LYNX1: variants seen among roughly 807,000 people sequenced by gnomAD.
LYNX1 encodes Ly6/neurotoxin 1.
A neutral mutation model predicts 8.3 loss-of-function variants in LYNX1; 8 were observed. The ratio of observed to expected loss-of-function variants is 0.97; its 90% CI spans 0.57 to 1.74. The LOEUF is 1.74. Among genes scored for constraint, LYNX1 ranks in the 40% most tolerant of loss-of-function variants. LYNX1 has a pLI of 0.00. For missense variants in LYNX1, 158 were observed against 159.7 expected (o/e 0.99, Z 0.06); for synonymous variants, 73 against 67.9 (o/e 1.08, Z -0.37).
In LYNX1 at chr8:142,773,270, G is replaced by T. The variant is rs931099243; in HGVS notation, c.*1897C>A. The T allele has an allele frequency of 1.0e-6, 1 of 985,232 alleles. No homozygotes were observed. The highest frequency in any genetic ancestry group is 1.2e-6 in the Non-Finnish European group (1 of 829,934). The allele number at this position is 985,232 out of a possible 1,614,324, so 61.0% of individuals were successfully genotyped here. ...GGCACTTGCAGGTGGGGGCCCTTGG[G>T]AGCTCTGGGAGGCACCTGGCAGCCT... On this transcript the variant is annotated 3_prime_UTR_variant, in exon 4 of 4. Transcript: ENST00000652477.
At position 142,774,581 on chromosome 8, in the gene LYNX1, C is replaced by T. The variant is rs1815322852; in HGVS notation, c.*586G>A. ...TGCTGAGGCAGAGCCGCCCCCTCCCCTGCAGGGGGTGGCTCCAACTCGGGC... is the reference window on the plus strand; with the variant it reads ...TGCTGAGGCAGAGCCGCCCCCTCCCTTGCAGGGGGTGGCTCCAACTCGGGC... On this transcript the variant is annotated 3_prime_UTR_variant, in exon 4 of 4. Transcript: ENST00000652477. 1.0e-6 allele frequency: 1 copy of T among 985,932 alleles called. No individual in the cohort carries two copies. Among genetic ancestry groups the T allele is most frequent in the Non-Finnish European group, 1.2e-6 (1 of 830,306 alleles). The allele number at this position is 985,932 out of a possible 1,614,324, so 61.1% of individuals were successfully genotyped here.
At position 142,772,095 on chromosome 8, in the gene LYNX1, C is replaced by T. The variant is rs1815207560; in HGVS notation, c.*3072G>A. 1.0e-6 allele frequency: 1 copy of T among 986,596 alleles called. No homozygotes were observed. Among genetic ancestry groups the T allele is most frequent in the African/African-American group, 1.7e-5 (1 of 57,360 alleles). 61.1% of individuals were successfully genotyped at this position (986,596 alleles called of 1,614,324 possible). On this transcript the variant is annotated 3_prime_UTR_variant, in exon 4 of 4. Transcript: ENST00000652477. The stretch of plus-strand genomic sequence containing the variant: ...CCCAGGGTGCCAGAGCCCGCCCAAG[C>T]AGCCACTCCTGTCCAGTTCCCAGAA...
intron 3 of LYNX1, 78 bp downstream of exon 3, chr8:142,775,515 C>T: frequency 3.2e-6 from 5 of 1,552,510 alleles, no homozygotes; most frequent in Admixed American, 1.9e-5. Flanking sequence ...TTCCTCAGGA[C>T]CCCCGCATGC....
In LYNX1 at chr8:142,775,251, G is replaced by A. The variant is rs2130113792; in HGVS notation, c.267C>T (p.Asp89=). 5 of 1,613,968 alleles carry A rather than the reference G, an allele frequency of 3.1e-6. No individual in the cohort carries two copies. The highest frequency in any genetic ancestry group is 4.2e-6 in the Non-Finnish European group (5 of 1,179,992). ...HASTTSCCQY[D]LCNGTGLATP... ...TGGCAAGGCCGGTGCCGTTGCAGAGGTCGTACTGGCAGCAGGAGGTGGTGG... is the reference window on the plus strand; with the variant it reads ...TGGCAAGGCCGGTGCCGTTGCAGAGATCGTACTGGCAGCAGGAGGTGGTGG... Residue 89 remains aspartate, a synonymous_variant, in exon 4 of 4, where the codon GAC becomes GAT. Coordinates refer to ENST00000652477, the MANE Select transcript of LYNX1 (RefSeq NM_177477.4).
At position 142,771,757 on chromosome 8, in the gene LYNX1, A is replaced by G. The variant is rs1010476913; in HGVS notation, c.*3410T>C. On this transcript the variant is annotated 3_prime_UTR_variant, in exon 4 of 4. Transcript: ENST00000652477. ...AACCAAATCGCCTTCATGAGAGATG[A>G]CGAATCAGATGCTACATAGTGGGGG... The G allele has an allele frequency of 1.0e-6, 1 of 985,656 alleles. No homozygotes were observed. The highest frequency in any genetic ancestry group is 1.2e-6 in the Non-Finnish European group (1 of 829,928). The allele number at this position is 985,656 out of a possible 1,614,324, so 61.1% of individuals were successfully genotyped here.
In LYNX1 at chr8:142,775,519, C is replaced by T. The variant is rs150696833; in HGVS notation, c.154+74G>A. The T allele has an allele frequency of 1.7e-4, 258 of 1,553,186 alleles. No homozygotes were observed. In the African/African-American group the frequency reaches 2.0e-3, roughly 12 times the overall value. ...GGAGAGCCTCCTTCCTCAGGACCCCCGCATGCTCAGGGGCAGGGCAGAACC... is the reference window on the plus strand; with the variant it reads ...GGAGAGCCTCCTTCCTCAGGACCCCTGCATGCTCAGGGGCAGGGCAGAACC... On this transcript the variant is annotated intron_variant, in intron 3 of 3. Coordinates refer to ENST00000652477, the MANE Select transcript of LYNX1 (RefSeq NM_177477.4).
rs1815340014 is a variant in LYNX1 at position 142,774,983 on chromosome 8, G to C, written c.*184C>G. 3 of 1,433,506 alleles carry C rather than the reference G, an allele frequency of 2.1e-6. No homozygotes were observed. The South Asian group carries it at 4.5e-5, about 21-fold the overall frequency. 88.8% of individuals were successfully genotyped at this position (1,433,506 alleles called of 1,614,324 possible). ...ATCCCACACAGCATCGAAAGGTCAA[G>C]GCCTCGAAGTGAGGTCGTGTGGTGG... On this transcript the variant is annotated 3_prime_UTR_variant, in exon 4 of 4. Coordinates refer to ENST00000652477, the MANE Select transcript of LYNX1 (RefSeq NM_177477.4).
Position 142,774,959 on chromosome 8 carries a change from T to A in LYNX1, c.*208A>T. ...CCATCAAAGCCGGACACTTTTGGGATCCCACACAGCATCGAAAGGTCAAGG... is the reference window on the plus strand; with the variant it reads ...CCATCAAAGCCGGACACTTTTGGGAACCCACACAGCATCGAAAGGTCAAGG... On this transcript the variant is annotated 3_prime_UTR_variant, in exon 4 of 4. Transcript: ENST00000652477. 1 of 1,428,646 alleles carries A rather than the reference T, an allele frequency of 7.0e-7. No individual in the cohort carries two copies. The highest frequency in any genetic ancestry group is 9.1e-7 in the Non-Finnish European group (1 of 1,095,584). 88.5% of individuals were successfully genotyped at this position (1,428,646 alleles called of 1,614,324 possible). A position where few individuals can be genotyped will look rare whatever the true frequency, so the allele number is the denominator to read the frequency against.
In LYNX1 at chr8:142,772,687, C is replaced by A. The variant is rs991626642; in HGVS notation, c.*2480G>T. 2 of 985,518 alleles carry A rather than the reference C, an allele frequency of 2.0e-6. No homozygotes were observed. The highest frequency in any genetic ancestry group is 4.7e-5 in the South Asian group (1 of 21,294). 61.0% of individuals were successfully genotyped at this position (985,518 alleles called of 1,614,324 possible). The stretch of plus-strand genomic sequence containing the variant: ...ACGTCCATCGCCACCTTGATGCATA[C>A]AACCCGGACAAGTTTACTGCTGTGA... On this transcript the variant is annotated 3_prime_UTR_variant, in exon 4 of 4. Coordinates refer to ENST00000652477, the MANE Select transcript of LYNX1 (RefSeq NM_177477.4).
rs956331529 is a variant in LYNX1, at chr8:142,774,180, G to A, written c.*987C>T. The stretch of plus-strand genomic sequence containing the variant: ...CCCCACCCTCCCCACTCCCGCCCCC[G>A]CACGGCCACGAGAGGGTGGCATGCT... On this transcript the variant is annotated 3_prime_UTR_variant, in exon 4 of 4. Transcript: ENST00000652477. 1 of 418,956 alleles carries A rather than the reference G, an allele frequency of 2.4e-6. No homozygotes were observed. The highest frequency in any genetic ancestry group is 2.7e-6 in the Non-Finnish European group (1 of 372,460). 26.0% of individuals were successfully genotyped at this position (418,956 alleles called of 1,614,324 possible).
rs915213161 is a variant in LYNX1 at position 142,775,930 on chromosome 8, C to A, written c.28G>T (p.Val10Leu). 1 of 1,614,130 alleles carries A rather than the reference C, an allele frequency of 6.2e-7. No individual in the cohort carries two copies. Among genetic ancestry groups the A allele is most frequent in the Non-Finnish European group, 8.5e-7 (1 of 1,180,006 alleles). The change falls in exon 2 of 4, where the codon GTG (valine) becomes TTG (leucine). Residue 10 changes from valine (V) to leucine (L), a missense_variant. Transcript: ENST00000652477. ...CCCAGAGGTAAGCCCATGAGGACCA[C>A]CAGGATCAGGGTGAGCAGGGGCGTC... is the stretch of plus-strand genomic sequence containing the variant. Reference protein sequence around the residue: MTPLLTLILVVLMGLPLAQA... With the variant: MTPLLTLILLVLMGLPLAQA...
Position 142,773,355 on chromosome 8 carries a change from G to A in LYNX1, c.*1812C>T. 1.0e-6 allele frequency: 1 copy of A among 985,798 alleles called. No homozygotes were observed. Among genetic ancestry groups the A allele is most frequent in the South Asian group, 4.7e-5 (1 of 21,288 alleles). The allele number at this position is 985,798 out of a possible 1,614,324, so 61.1% of individuals were successfully genotyped here. ...TTAGGGCTACAGCCACAACCACTGG[G>A]GGTAGGGGCGAGGGGAGTCCAGGCC... is the stretch of plus-strand genomic sequence containing the variant. On this transcript the variant is annotated 3_prime_UTR_variant, in exon 4 of 4. Transcript: ENST00000652477.
rs1407337612 is a variant in LYNX1 at position 142,773,400 on chromosome 8, C to T, written c.*1767G>A. The T allele has an allele frequency of 1.0e-6, 1 of 985,660 alleles. No homozygotes were observed. Among genetic ancestry groups the T allele is most frequent in the Non-Finnish European group, 1.2e-6 (1 of 830,210 alleles). 61.1% of individuals were successfully genotyped at this position (985,660 alleles called of 1,614,324 possible). A position where few individuals can be genotyped will look rare whatever the true frequency, so the allele number is the denominator to read the frequency against. The stretch of plus-strand genomic sequence containing the variant: ...CAGGCCCACCCTGTGCTGGCAGCAA[C>T]TCCTTCCCAGCTCTGGGCCCAGTAT... On this transcript the variant is annotated 3_prime_UTR_variant, in exon 4 of 4. Transcript: ENST00000652477.
chr8:142,775,149 G>T lies in LYNX1; in HGVS notation c.*18C>A. ...TGTCTCGAGAGCTTTGTTCTTGAGT[G>T]GGTCTGCCTCGGGGGCTTTAGAGGA... On this transcript the variant is annotated 3_prime_UTR_variant, in exon 4 of 4. Coordinates refer to ENST00000652477, the MANE Select transcript of LYNX1 (RefSeq NM_177477.4). 1 of 1,605,530 alleles carries T rather than the reference G, an allele frequency of 6.2e-7. No homozygotes were observed.
chr8:142,775,280 C>G lies in LYNX1; in HGVS notation c.238G>C (p.Ala80Pro). 1 of 1,613,972 alleles carries G rather than the reference C, an allele frequency of 6.2e-7. No individual in the cohort carries two copies. The highest frequency in any genetic ancestry group is 1.6e-4 in the Middle Eastern group (1 of 6,062). ...ETVYDGYSKH[A>P]STTSCCQYDL... ...TACTGGCAGCAGGAGGTGGTGGACG[C>G]GTGCTTGGAGTAGCCATCATACACA... Residue 80 changes from alanine to proline, a missense_variant, in exon 4 of 4, where the codon GCG becomes CCG. Ala to Pro is a conservative substitution (Grantham distance 27). Coordinates refer to ENST00000652477, the MANE Select transcript of LYNX1 (RefSeq NM_177477.4).
chr8:142,772,398 G>C lies in LYNX1; in HGVS notation c.*2769C>G, dbSNP rs978745826. On this transcript the variant is annotated 3_prime_UTR_variant, in exon 4 of 4. Transcript: ENST00000652477. ...CCACTCAGGGCTTCTCAAACCTCTGGTTCCACTTTTCTCCTTTTAAGCTTT... is the reference window on the plus strand; with the variant it reads ...CCACTCAGGGCTTCTCAAACCTCTGCTTCCACTTTTCTCCTTTTAAGCTTT... 1.0e-6 allele frequency: 1 copy of C among 985,392 alleles called. No individual in the cohort carries two copies. Among genetic ancestry groups the C allele is most frequent in the African/African-American group, 1.7e-5 (1 of 57,240 alleles). 61.0% of individuals were successfully genotyped at this position (985,392 alleles called of 1,614,324 possible). A position where few individuals can be genotyped will look rare whatever the true frequency, so the allele number is the denominator to read the frequency against.
chr8:142,775,129 C>G lies in LYNX1; in HGVS notation c.*38G>C. On this transcript the variant is annotated 3_prime_UTR_variant, in exon 4 of 4. Coordinates refer to ENST00000652477, the MANE Select transcript of LYNX1 (RefSeq NM_177477.4). ...GGTGCGAGGGTGTAGCAGTGTGTCT[C>G]GAGAGCTTTGTTCTTGAGTGGGTCT... The G allele has an allele frequency of 6.3e-7, 1 of 1,592,170 alleles. No individual in the cohort carries two copies. The highest frequency in any genetic ancestry group is 8.5e-7 in the Non-Finnish European group (1 of 1,171,200).
Position 142,775,163 on chromosome 8 carries a change from G to A in LYNX1, c.*4C>T, listed in dbSNP as rs587768270. The A allele has an allele frequency of 4.3e-5, 70 of 1,609,810 alleles. 1 individual carries two copies. In the East Asian group the frequency reaches 9.2e-4, roughly 21 times the overall value. Reference sequence around the variant, plus strand: ...TGTTCTTGAGTGGGTCTGCCTCGGGGGCTTTAGAGGAGACCCCAGAGGGTG... The same window carrying A: ...TGTTCTTGAGTGGGTCTGCCTCGGGAGCTTTAGAGGAGACCCCAGAGGGTG... On this transcript the variant is annotated 3_prime_UTR_variant, in exon 4 of 4. Transcript: ENST00000652477.
Position 142,772,244 on chromosome 8 carries a change from AG to A in LYNX1, c.*2922del, listed in dbSNP as rs1815213930. 8.1e-6 allele frequency: 8 copies of A among 985,838 alleles called. No homozygotes were observed. The South Asian group carries it at 3.8e-4, about 46-fold the overall frequency. 61.1% of individuals were successfully genotyped at this position (985,838 alleles called of 1,614,324 possible). A position where few individuals can be genotyped will look rare whatever the true frequency, so the allele number is the denominator to read the frequency against. On this transcript the variant is annotated 3_prime_UTR_variant, in exon 4 of 4. Transcript: ENST00000652477. ...TAGCCCTGGGCATCTACCCCCATGA[AG>A]GGGACCCTCGGTTCTGCGAGAGAGA...
Sources: gnomAD v4.1 joint callset for allele counts on GRCh38, gnomAD v4.1.1 for gene constraint, MANE v1.5 for transcripts, NCBI Gene and HGNC (gene_info 2026-07-23, HGNC 2026-07-21) for gene names.